BAZ2B: variants seen among roughly 807,000 people sequenced by gnomAD.
BAZ2B encodes the protein bromodomain adjacent to zinc finger domain protein 2B.
A neutral mutation model predicts 246.0 loss-of-function variants in BAZ2B; 91 were observed. That is an observed-to-expected ratio of 0.37 (90% CI 0.31 to 0.44). The LOEUF (loss-of-function observed/expected upper bound fraction) is 0.44, where lower values mean the gene tolerates loss of function less well. Among genes scored for constraint, BAZ2B ranks in the 20% least tolerant of loss-of-function variants. BAZ2B has a pLI of 1.00. For synonymous variants in BAZ2B, 855 were observed against 860.0 expected, an observed-to-expected ratio of 0.99 and a Z score of 0.10; for missense variants, 2,332 against 2,533.7, an observed-to-expected ratio of 0.92 and a Z score of 1.71.
In BAZ2B at chr2:159,421,620, T is replaced by C. The variant is rs546271621; in HGVS notation, c.2466+6321A>G. Reference sequence around the variant, plus strand: ...ATAAGCTCACACACCTCTCATCTTATTGTACTATACAAAAGTTAATATTTT... The same window carrying C: ...ATAAGCTCACACACCTCTCATCTTACTGTACTATACAAAAGTTAATATTTT... On this transcript the variant is annotated intron_variant, in intron 13 of 36. Coordinates refer to ENST00000392783, the MANE Select transcript of BAZ2B (RefSeq NM_013450.4). 3.9e-5 allele frequency among the ~76,000 whole-genome samples: 6 copies of C among 152,314 alleles called. No individual in the cohort carries two copies. The South Asian group carries it at 8.3e-4, about 21-fold the overall frequency.
At chr2:159,653,793 T>A in the BAZ2B span, among the ~76,000 whole-genome samples, 37,782 of 151,908 alleles carry the variant, frequency 0.25, 6,028 homozygotes, top group Admixed American at 0.43. Flanking sequence ...AGATTTAACA[T>A]GAAACAATGG....
chr2:159,685,963 CAATAAAG>C, the BAZ2B span, among the ~76,000 whole-genome samples: 3 of 152,138 alleles, frequency 2.0e-5, no homozygotes, highest in African/African-American at 7.2e-5. Flanking sequence ...TGGAATTTAA[CAATAAAG>C]AATAATAGAG....
chr2:159,324,574 C>T (rs2063171954), intron 36 of BAZ2B, among the ~76,000 whole-genome samples: 1 of 148,730 alleles, frequency 6.7e-6, no homozygotes, highest in African/African-American at 2.5e-5. Context: ...TTTTTAATTT[C>T]TTAAATAATT....
At chr2:159,562,941 G>GCACCATAGC (rs1427322594) in intron 1 of BAZ2B, among the ~76,000 whole-genome samples, 2 of 152,046 alleles carry the variant, frequency 1.3e-5, no homozygotes, top group Non-Finnish European at 2.9e-5. Flanking sequence ...GTTTCATAAA[G>GCACCATAGC]TTTTCAAGCA....
chr2:159,652,502 G>A, the BAZ2B span, among the ~76,000 whole-genome samples: 8 of 151,946 alleles, frequency 5.3e-5, no homozygotes, highest in African/African-American at 1.5e-4. Flanking sequence ...GAGCCACCGC[G>A]CCTGGCCACT....
At chr2:159,506,729 A>G (rs962592811) in intron 2 of BAZ2B, among the ~76,000 whole-genome samples, 1 of 152,208 alleles carries the variant, frequency 6.6e-6, no homozygotes, top group Non-Finnish European at 1.5e-5. Flanking sequence ...CCATTACCAC[A>G]ATGTCTTTTC....
intron 36 of BAZ2B, chr2:159,321,729 A>T (rs1175697892): frequency 6.6e-6 from 1 of 152,176 alleles, no homozygotes. Context: ...TCATGGAAAC[A>T]GAGTAGAAGG....
rs549719316 is a variant in BAZ2B, at chr2:159,364,339, G to A, written c.4213+8706C>T. ...CTGCAACGGCTTTTGGACCTTTTGC[G>A]TGAATTCTAGTTGTTTCTTTATCAG... On this transcript the variant is annotated intron_variant, in intron 27 of 36. Transcript: ENST00000392783. 3.3e-5 allele frequency among the ~76,000 whole-genome samples: 5 copies of A among 152,270 alleles called. No homozygotes were observed. The South Asian group carries it at 6.2e-4, about 19-fold the overall frequency.
chr2:159,653,779 T>A, the BAZ2B span, among the ~76,000 whole-genome samples: 1 of 151,902 alleles, frequency 6.6e-6, no homozygotes, highest in South Asian at 2.1e-4. Context: ...ACTCAAATAA[T>A]AAAAGATTTA....
intron 31 of BAZ2B, among the ~76,000 whole-genome samples, chr2:159,338,210 C>A (rs537889512): frequency 1.3e-5 from 2 of 152,072 alleles, no homozygotes; most frequent in Admixed American, 1.3e-4. Context: ...TATGCTATTA[C>A]CTTTATCTGT....
the BAZ2B span, among the ~76,000 whole-genome samples, chr2:159,661,998 C>T: frequency 1.3e-5 from 2 of 152,162 alleles, no homozygotes; most frequent in African/African-American, 2.4e-5. Flanking sequence ...CAGGTATTCC[C>T]TTATTTCCTC....
At chr2:159,603,633 C>T (rs1029771908) in intron 1 of BAZ2B, among the ~76,000 whole-genome samples, 1 of 151,744 alleles carries the variant, frequency 6.6e-6, no homozygotes, top group African/African-American at 2.4e-5. Flanking sequence ...CCTATATTTC[C>T]TTCCCAGAAA....
intron 2 of BAZ2B, among the ~76,000 whole-genome samples, chr2:159,503,152 C>T (rs1172509480): frequency 6.6e-6 from 1 of 151,974 alleles, no homozygotes; most frequent in African/African-American, 2.4e-5. Context: ...CCCACCACTC[C>T]CCTACTTAAA....
At chr2:159,419,609 G>C (rs2068378167) in intron 13 of BAZ2B, among the ~76,000 whole-genome samples, 2 of 152,174 alleles carry the variant, frequency 1.3e-5, no homozygotes, top group Non-Finnish European at 2.9e-5. Flanking sequence ...AAACAAGTGA[G>C]AAAGATGTGG....
intron 1 of BAZ2B, among the ~76,000 whole-genome samples, chr2:159,595,988 C>T (rs923271419): frequency 1.9e-5 from 2 of 103,056 alleles, no homozygotes; most frequent in Admixed American, 8.5e-5. Flanking sequence ...CTGCTTGATT[C>T]GTGAATTTTC....
At chr2:159,705,358 A>G in the BAZ2B span, among the ~76,000 whole-genome samples, 1 of 152,196 alleles carries the variant, frequency 6.6e-6, no homozygotes, top group Non-Finnish European at 1.5e-5. Context: ...AGTAGGTGAC[A>G]GAAAAACATA....
chr2:159,682,914 C>A, the BAZ2B span, among the ~76,000 whole-genome samples: 11 of 136,572 alleles, frequency 8.1e-5, no homozygotes, highest in Admixed American at 1.4e-4. Context: ...ACCCCTCCCC[C>A]CCCCCACACA....
chr2:159,469,494 G>A (rs552200864), intron 3 of BAZ2B, among the ~76,000 whole-genome samples: 2 of 152,196 alleles, frequency 1.3e-5, no homozygotes, highest in East Asian at 3.9e-4. Flanking sequence ...GGAGTGCGGT[G>A]GTACAATCTC....
At chr2:159,663,513 G>GTTTTTT in the BAZ2B span, among the ~76,000 whole-genome samples, 1 of 143,156 alleles carries the variant, frequency 7.0e-6, no homozygotes, top group Non-Finnish European at 1.5e-5. Flanking sequence ...TGTTGCTAAT[G>GTTTTTT]TTTTTTTTTT....
Sources: allele counts gnomAD v4.1 joint callset (sites outside exome capture counted in the v4.1 genomes callset), GRCh38; gene constraint gnomAD v4.1.1; transcripts MANE v1.5; gene names NCBI Gene and HGNC (gene_info 2026-07-23, HGNC 2026-07-21).